MSR1: variants seen among roughly 807,000 people sequenced by gnomAD.
The protein encoded by MSR1 is macrophage scavenger receptor types I and II.
MSR1 carries 53 observed loss-of-function variants against 47.2 expected under a neutral mutation model. The ratio of observed to expected loss-of-function variants is 1.12; its 90% confidence interval spans 0.90 to 1.41. MSR1 has a LOEUF of 1.41. Among genes scored for constraint, MSR1 ranks in the 40% most tolerant of loss-of-function variants. The probability of loss-of-function intolerance (pLI) is 0.00; values close to 1 mark genes in which losing one functional copy is unlikely to be tolerated. For missense variants in MSR1, 786 were observed against 546.9 expected (o/e 1.44, Z -4.36); for synonymous variants, 239 against 185.6 (o/e 1.29, Z -2.34).
chr8:16,154,951 CAT>C (rs1197238160), intron 6 of MSR1, 111 bp downstream of exon 6: 12 of 861,620 alleles, frequency 1.4e-5, no homozygotes, highest in East Asian at 2.6e-5. Context: ...CACACACACA[CAT>C]ACACATCCTC....
chr8:16,166,452 C>A (rs35812149), intron 4 of MSR1, among the ~76,000 whole-genome samples: 6,381 of 151,972 alleles, frequency 0.042, 459 homozygotes, highest in African/African-American at 0.14. Flanking sequence ...TGAGGCACTG[C>A]GCCTGGCAGC....
intron 8 of MSR1, among the ~76,000 whole-genome samples, chr8:16,135,902 T>C (rs1800376997): frequency 6.6e-6 from 1 of 152,050 alleles, no homozygotes. Context: ...AGTGGAGAAC[T>C]AGAATTAGAA....
At chr8:16,189,432 A>T (rs186640418) in intron 1 of MSR1, among the ~76,000 whole-genome samples, 4,316 of 73,788 alleles carry the variant, frequency 0.058, 631 homozygotes, top group East Asian at 0.4. Flanking sequence ...ATATAAAATC[A>T]TATTTTATAT....
chr8:16,125,694 C>G (rs1800112222), intron 8 of MSR1, among the ~76,000 whole-genome samples: 1 of 152,028 alleles, frequency 6.6e-6, no homozygotes, highest in African/African-American at 2.4e-5. Flanking sequence ...TAAAGGTTTA[C>G]CCTGGAAAGG....
At chr8:16,110,889 G>T (rs1799742013) in intron 9 of MSR1, among the ~76,000 whole-genome samples, 1 of 152,140 alleles carries the variant, frequency 6.6e-6, no homozygotes, top group Admixed American at 6.6e-5. Context: ...CTGATCAATT[G>T]TAAGAGTGTT....
chr8:16,169,748 A>T (rs1224991099), intron 3 of MSR1, among the ~76,000 whole-genome samples: 3 of 151,936 alleles, frequency 2.0e-5, no homozygotes, highest in Non-Finnish European at 4.4e-5. Flanking sequence ...TTCTACAAAA[A>T]TAATTTTAAA....
At chr8:16,175,377 A>C in intron 2 of MSR1, 77 bp from the exon 3 acceptor site, 1 of 1,166,134 alleles carries the variant, frequency 8.6e-7, no homozygotes, top group Non-Finnish European at 1.3e-6. Flanking sequence ...TTAATCTCCA[A>C]TTATATTCTT....
intron 4 of MSR1, among the ~76,000 whole-genome samples, chr8:16,166,172 T>C (rs1308144106): frequency 7.2e-6 from 1 of 139,592 alleles, no homozygotes; most frequent in African/African-American, 2.7e-5. Context: ...TTCTTTTTTT[T>C]TTTTTTTTTT....
chr8:16,155,525 G>A (rs34243737), intron 5 of MSR1, among the ~76,000 whole-genome samples: 1,725 of 152,056 alleles, frequency 0.011, 30 homozygotes, highest in African/African-American at 0.04. Context: ...GCTACTATAC[G>A]GAAAATCTAT....
chr8:16,136,044 A>G (rs928345950), intron 8 of MSR1, among the ~76,000 whole-genome samples: 1 of 152,210 alleles, frequency 6.6e-6, no homozygotes, highest in African/African-American at 2.4e-5. Context: ...GATGCTGTGA[A>G]CATTGTTGAG....
intron 5 of MSR1, among the ~76,000 whole-genome samples, chr8:16,161,129 G>T (rs779581912): frequency 6.6e-6 from 1 of 151,146 alleles, no homozygotes; most frequent in East Asian, 2.0e-4. Flanking sequence ...CTGGGATATG[G>T]TTGCTTGAAT....
At chr8:16,129,560 A>G (rs1345986954) in intron 8 of MSR1, among the ~76,000 whole-genome samples, 1 of 152,112 alleles carries the variant, frequency 6.6e-6, no homozygotes, top group Non-Finnish European at 1.5e-5. Context: ...AGCCTGGGCA[A>G]GACAGCAAAA....
At chr8:16,157,119 G>T (rs973605305) in intron 5 of MSR1, among the ~76,000 whole-genome samples, 1 of 151,952 alleles carries the variant, frequency 6.6e-6, no homozygotes, top group Admixed American at 6.6e-5. Context: ...TAGTAACTCA[G>T]GATCCAAAGC....
chr8:16,109,286 G>A lies in MSR1; in HGVS notation c.*799C>T, dbSNP rs1315823417. The A allele has an allele frequency of 6.7e-6, 1 of 148,440 alleles. No homozygotes were observed. Among genetic ancestry groups the A allele is most frequent in the Non-Finnish European group, 1.5e-5 (1 of 67,604 alleles). 9.2% of individuals were successfully genotyped at this position (148,440 alleles called of 1,614,324 possible). ...AGATGTTTGCATTGTTTGTTAAAAT[G>A]GATTAATCAGATTTAAATTTTAAAC... is the stretch of plus-strand genomic sequence containing the variant. On this transcript the variant is annotated 3_prime_UTR_variant, in exon 10 of 10. Transcript: ENST00000262101.
chr8:16,110,921 A>T (rs1325985568), intron 9 of MSR1, among the ~76,000 whole-genome samples: 2 of 152,148 alleles, frequency 1.3e-5, no homozygotes, highest in African/African-American at 4.8e-5. Context: ...GGAGAGCCCA[A>T]GTATTTTTTG....
At chr8:16,114,475 T>C (rs1222254014) in intron 9 of MSR1, among the ~76,000 whole-genome samples, 1 of 152,104 alleles carries the variant, frequency 6.6e-6, no homozygotes, top group African/African-American at 2.4e-5. Context: ...GAACAAATTC[T>C]TGGAGGTACC....
chr8:16,120,999 C>G (rs2117063413), intron 8 of MSR1: 1 of 308,236 alleles, frequency 3.2e-6, no homozygotes, highest in South Asian at 3.0e-5. Context: ...ACAAACTTAT[C>G]AACATACAAT....
intron 3 of MSR1, 52 bp from the exon 4 acceptor site, chr8:16,168,922 A>G: frequency 1.9e-5 from 28 of 1,496,578 alleles, no homozygotes; most frequent in Non-Finnish European, 2.6e-5. Context: ...TTGAATGCAT[A>G]CAGGATCCCA....
chr8:16,136,571 A>G (rs1403598799), intron 8 of MSR1, among the ~76,000 whole-genome samples: 1 of 151,726 alleles, frequency 6.6e-6, no homozygotes, highest in Non-Finnish European at 1.5e-5. Context: ...TTAGCTATAC[A>G]CTCTATTAAG....
Sources: allele counts gnomAD v4.1 joint callset (sites outside exome capture counted in the v4.1 genomes callset), GRCh38; gene constraint gnomAD v4.1.1; transcripts MANE v1.5; gene names NCBI Gene and HGNC (gene_info 2026-07-23, HGNC 2026-07-21).